Variants in KYAT3 observed in about 807,000 individuals in gnomAD.
KYAT3 encodes the protein kynurenine--oxoglutarate transaminase 3.
Under a neutral mutation model 59.0 loss-of-function variants are expected in KYAT3, and 50 were observed. The ratio of observed to expected loss-of-function variants is 0.85; its 90% CI spans 0.68 to 1.07. KYAT3 has a LOEUF of 1.07. KYAT3 is among the 50% of genes least tolerant of loss of function. The pLI, the probability that KYAT3 is intolerant of heterozygous loss-of-function variation, is 0.00. For missense variants in KYAT3, 497 were observed against 533.3 expected, an observed-to-expected ratio of 0.93 and a Z score of 0.67; for synonymous variants, 148 against 177.0, an observed-to-expected ratio of 0.84 and a Z score of 1.30.
At chr1:88,946,600 T>C (rs11809999) in intron 11 of KYAT3, among the ~76,000 whole-genome samples, 5,806 of 152,306 alleles carry the variant, frequency 0.038, 319 homozygotes, top group African/African-American at 0.12. Flanking sequence ...AAAATAATAA[T>C]TCATATGGAA....
At chr1:88,950,379 C>T (rs1438972481) in intron 10 of KYAT3, among the ~76,000 whole-genome samples, 1 of 152,158 alleles carries the variant, frequency 6.6e-6, no homozygotes, top group Admixed American at 6.5e-5. Context: ...ATTGCCTTAG[C>T]CTGGAAATCT....
intron 10 of KYAT3, among the ~76,000 whole-genome samples, chr1:88,951,187 C>T (rs1288338205): frequency 2.0e-5 from 3 of 152,054 alleles, no homozygotes; most frequent in Non-Finnish European, 4.4e-5. Context: ...TTCCTCTTCC[C>T]TATTTTATCT....
intron 2 of KYAT3, chr1:88,984,129 C>T (rs1207254347): frequency 2.6e-6 from 1 of 387,704 alleles, no homozygotes; most frequent in East Asian, 4.7e-5. Context: ...GGGAAAGATG[C>T]TTAAAGATAC....
intron 2 of KYAT3, among the ~76,000 whole-genome samples, chr1:88,974,865 ACTCTGTAAAATGGACCAATCGGTG>A (rs1557699809): frequency 2.0e-5 from 3 of 151,840 alleles, no homozygotes; most frequent in Non-Finnish European, 4.4e-5. Flanking sequence ...ACCAATCAGC[ACTCTGTAAAATGGACCAATCGGTG>A]CTCTGTAAAA....
At chr1:88,921,288 T>C in the KYAT3 span, among the ~76,000 whole-genome samples, 2 of 152,296 alleles carry the variant, frequency 1.3e-5, no homozygotes, top group African/African-American at 4.8e-5. Flanking sequence ...GATTAAAAAG[T>C]CTCAAGAAGA....
chr1:88,984,911 T>C (rs2101090172), intron 2 of KYAT3, among the ~76,000 whole-genome samples: 1 of 152,394 alleles, frequency 6.6e-6, no homozygotes, highest in African/African-American at 2.4e-5. Context: ...GCTTTTTGAC[T>C]TTCCATATGT....
chr1:88,992,086 T>G (rs894217267), intron 1 of KYAT3, among the ~76,000 whole-genome samples: 1 of 151,128 alleles, frequency 6.6e-6, no homozygotes, highest in African/African-American at 2.4e-5. Context: ...TCACGCCATT[T>G]TCCTGCCTCA....
intron 4 of KYAT3, among the ~76,000 whole-genome samples, chr1:88,965,451 C>T (rs527693931): frequency 1.6e-4 from 25 of 152,212 alleles, no homozygotes; most frequent in African/African-American, 6.0e-4. Flanking sequence ...ACCAACGACA[C>T]GAACACTAGT....
chr1:88,937,591 T>C (rs1250814411), intron 13 of KYAT3, among the ~76,000 whole-genome samples: 2 of 152,220 alleles, frequency 1.3e-5, no homozygotes, highest in Non-Finnish European at 2.9e-5. Flanking sequence ...AATATTTTCA[T>C]AGTACCTTAC....
intron 2 of KYAT3, chr1:88,983,345 G>T (rs761539523): frequency 1.2e-6 from 2 of 1,614,118 alleles, no homozygotes; most frequent in East Asian, 4.5e-5. Context: ...TCTCTTAGGA[G>T]AAGGACCCCC....
chr1:88,987,835 T>C (rs1677555241), intron 2 of KYAT3, among the ~76,000 whole-genome samples: 2 of 152,252 alleles, frequency 1.3e-5, no homozygotes, highest in Non-Finnish European at 1.5e-5. Context: ...TCTGATTGTC[T>C]TTAAAAAATG....
At chr1:88,940,418 C>T (rs980383958) in intron 13 of KYAT3, among the ~76,000 whole-genome samples, 2 of 152,130 alleles carry the variant, frequency 1.3e-5, no homozygotes, top group African/African-American at 4.8e-5. Context: ...CTTTGTTTTC[C>T]ACTGCCAAAG....
chr1:88,964,805 T>A (rs1423806274), intron 5 of KYAT3, 24 bp downstream of exon 5: 5 of 1,534,650 alleles, frequency 3.3e-6, no homozygotes, highest in Non-Finnish European at 3.6e-6. Context: ...AATATGGGTA[T>A]TACGATAATG....
At chr1:88,930,825 AG>A (rs547504880), downstream of KYAT3, among the ~76,000 whole-genome samples, 144 of 152,304 alleles carry the variant, frequency 9.5e-4, no homozygotes, top group African/African-American at 3.0e-3. Flanking sequence ...AAACCTAAAG[AG>A]GTGGCAGTCT....
chr1:88,969,196 A>G (rs1287403180), intron 3 of KYAT3, among the ~76,000 whole-genome samples: 1 of 152,218 alleles, frequency 6.6e-6, no homozygotes, highest in African/African-American at 2.4e-5. Context: ...TTTCTCTGCC[A>G]TATGTCCAGT....
chr1:88,984,243 C>A (rs1677308403), intron 2 of KYAT3, among the ~76,000 whole-genome samples: 1 of 105,892 alleles, frequency 9.4e-6, no homozygotes, highest in South Asian at 3.3e-4. Context: ...AGACAGGAGT[C>A]TCACAGTGTT....
chr1:88,938,354 A>C (rs55938305), intron 13 of KYAT3, among the ~76,000 whole-genome samples: 4,805 of 152,110 alleles, frequency 0.032, 225 homozygotes, highest in African/African-American at 0.11. Flanking sequence ...TTAAAATTGT[A>C]TATTTTTTAT....
At chr1:88,972,981 G>A (rs1676613018) in intron 2 of KYAT3, among the ~76,000 whole-genome samples, 1 of 152,202 alleles carries the variant, frequency 6.6e-6, no homozygotes, top group Non-Finnish European at 1.5e-5. Flanking sequence ...GTAATCTTAT[G>A]TGGATATAGG....
intron 9 of KYAT3, among the ~76,000 whole-genome samples, chr1:88,954,051 G>A (rs868827722): frequency 1.3e-5 from 2 of 151,950 alleles, no homozygotes; most frequent in Non-Finnish European, 2.9e-5. Context: ...ACAGGCATGC[G>A]CCACCACGCC....
Sources: gnomAD v4.1 joint callset for allele counts (sites outside exome capture counted in the v4.1 genomes callset) on GRCh38, gnomAD v4.1.1 for gene constraint, MANE v1.5 for transcripts, NCBI Gene and HGNC (gene_info 2026-07-23, HGNC 2026-07-21) for gene names.